GREB1L: variants seen among roughly 807,000 people sequenced by gnomAD.
The protein encoded by GREB1L is GREB1-like protein.
Under a neutral mutation model 200.8 loss-of-function variants are expected in GREB1L, and 17 were observed. The ratio of observed to expected loss-of-function variants is 0.08; its 90% CI spans 0.06 to 0.13. The LOEUF (loss-of-function observed/expected upper bound fraction) is 0.13. Ranked by LOEUF, GREB1L falls within the 10% of genes least tolerant of loss-of-function variation. The pLI is 1.00. For missense variants in GREB1L, 1,657 were observed against 2,367.7 expected (o/e 0.70, Z 6.23); for synonymous variants, 789 against 893.0 (o/e 0.88, Z 2.08).
intron 11 of GREB1L, among the ~76,000 whole-genome samples, chr18:21,449,243 T>G (rs1417972284): frequency 1.3e-5 from 2 of 152,188 alleles, no homozygotes. Flanking sequence ...ATGGTTTCTC[T>G]TGGTACCTCC....
At chr18:21,420,422 T>C (rs1362581900) in intron 7 of GREB1L, among the ~76,000 whole-genome samples, 3 of 151,682 alleles carry the variant, frequency 2.0e-5, no homozygotes, top group Non-Finnish European at 4.4e-5. Flanking sequence ...GAAAAATCTT[T>C]GCAAAGCATA....
intron 12 of GREB1L, chr18:21,450,654 G>A (rs72882834): frequency 0.13 from 22,150 of 165,118 alleles, 2,016 homozygotes; most frequent in East Asian, 0.33. Flanking sequence ...TTTCCCCCAT[G>A]TTCTCAGCCC....
intron 1 of GREB1L, among the ~76,000 whole-genome samples, chr18:21,261,823 AAGAAAAGACTTTTGTTTATTCT>A (rs1371024683): frequency 6.6e-6 from 1 of 152,142 alleles, no homozygotes; most frequent in Non-Finnish European, 1.5e-5. Flanking sequence ...GTTGCCATCA[AAGAAAAGACTTTTGTTTATTCT>A]AAATACCTTT....
chr18:21,283,448 T>G (rs1272789151), intron 1 of GREB1L, among the ~76,000 whole-genome samples: 1 of 152,238 alleles, frequency 6.6e-6, no homozygotes, highest in African/African-American at 2.4e-5. Flanking sequence ...GCCTGAGGTT[T>G]CTAATGCCTG....
At position 21,476,541 on chromosome 18, in the gene GREB1L, T is replaced by C. The variant is rs62089246; in HGVS notation, c.2364-623T>C. Among the ~76,000 whole-genome samples the C allele has an allele frequency of 9.6e-3, 1,463 of 152,092 alleles. 15 individuals are homozygous for C. The highest frequency in any genetic ancestry group is 0.022 in the Admixed American group (338 of 15,252). On this transcript the variant is annotated intron_variant, in intron 16 of 32. Coordinates refer to ENST00000424526, the MANE Select transcript of GREB1L (RefSeq NM_001142966.3). ...TTCTGAGGATACATGTTGGGACTTCTCTGAATTTAATTTTTTGTTGTTGTT... is the reference window on the plus strand; with the variant it reads ...TTCTGAGGATACATGTTGGGACTTCCCTGAATTTAATTTTTTGTTGTTGTT...
At chr18:21,512,555 G>A (rs2037279434) in intron 27 of GREB1L, among the ~76,000 whole-genome samples, 1 of 152,126 alleles carries the variant, frequency 6.6e-6, no homozygotes, top group Non-Finnish European at 1.5e-5. Context: ...CATTCTAAAG[G>A]GGATTTTTGG....
chr18:21,484,268 G>T (rs547372899), intron 17 of GREB1L, among the ~76,000 whole-genome samples: 1 of 150,278 alleles, frequency 6.7e-6, no homozygotes, highest in Non-Finnish European at 1.5e-5. Context: ...CTCCACCTCC[G>T]GGTTCAAGGT....
chr18:21,398,036 C>G (rs1024949040), intron 5 of GREB1L, among the ~76,000 whole-genome samples: 3 of 152,098 alleles, frequency 2.0e-5, no homozygotes, highest in African/African-American at 4.8e-5. Flanking sequence ...CTCTGACTGT[C>G]GACAATGAAA....
chr18:21,454,765 A>T, intron 15 of GREB1L: 1 of 590,592 alleles, frequency 1.7e-6, no homozygotes, highest in Non-Finnish European at 3.0e-6. Flanking sequence ...GGTCAAGGGT[A>T]AATTGTTGTG....
At chr18:21,373,124 C>T (rs887422182) in intron 2 of GREB1L, among the ~76,000 whole-genome samples, 9 of 152,006 alleles carry the variant, frequency 5.9e-5, no homozygotes, top group African/African-American at 2.2e-4. Flanking sequence ...TGCTTCATAT[C>T]GTCTCCACTG....
chr18:21,288,744 T>A (rs1019513662), intron 1 of GREB1L, among the ~76,000 whole-genome samples: 3 of 152,096 alleles, frequency 2.0e-5, no homozygotes, highest in Admixed American at 6.5e-5. Flanking sequence ...CCTTTTTTTT[T>A]TTTTATTTTT....
intron 21 of GREB1L, among the ~76,000 whole-genome samples, chr18:21,498,684 G>T (rs2036652738): frequency 6.6e-6 from 1 of 152,210 alleles, no homozygotes; most frequent in Admixed American, 6.5e-5. Flanking sequence ...TACAGGCCAT[G>T]CTCATGACAC....
At position 21,525,103 on chromosome 18, in the gene GREB1L, C is replaced by T. The variant is rs1345950163; in HGVS notation, c.*2282C>T. On this transcript the variant is annotated 3_prime_UTR_variant, in exon 33 of 33. Transcript: ENST00000424526. ...GATGAATGGATTCGCTAGGCCCACA[C>T]AGTAACTCACCTGTAGACCTGCTGA... 2.0e-5 allele frequency: 3 copies of T among 151,890 alleles called. No homozygotes were observed. Among genetic ancestry groups the T allele is most frequent in the African/African-American group, 7.2e-5 (3 of 41,394 alleles). The allele number at this position is 151,890 out of a possible 1,614,324, so 9.4% of individuals were successfully genotyped here.
intron 2 of GREB1L, among the ~76,000 whole-genome samples, chr18:21,368,253 T>A (rs1381558848): frequency 6.6e-6 from 1 of 152,224 alleles, no homozygotes; most frequent in Non-Finnish European, 1.5e-5. Flanking sequence ...TTCTCAAGGT[T>A]AAAGCACCTT....
Position 21,505,515 on chromosome 18 carries a change from G to C in GREB1L, c.4176G>C (p.Lys1392Asn), listed in dbSNP as rs1275661339. ...MPFDVSVHDPKYSLMSLVYTE... is the reference protein window; with the variant it reads ...MPFDVSVHDPNYSLMSLVYTE... ...TTGATGTCAGTGTGCATGACCCCAA[G>C]TACAGTTTGATGAGCCTGGTGTATA... is the stretch of plus-strand genomic sequence containing the variant. Residue 1392 changes from lysine to asparagine, a missense_variant, in exon 24 of 33, where the codon AAG becomes AAC. Lys to Asn is a moderately conservative substitution (Grantham distance 94). This residue lies in a region of GREB1L where 512 missense variants were observed against 668.3 expected (regional missense o/e 0.77). Coordinates refer to ENST00000424526, the MANE Select transcript of GREB1L (RefSeq NM_001142966.3). 1.3e-6 allele frequency: 2 copies of C among 1,551,810 alleles called. No individual in the cohort carries two copies. The highest frequency in any genetic ancestry group is 1.7e-4 in the Middle Eastern group (1 of 5,994).
chr18:21,251,917 C>G (rs1362621553), intron 1 of GREB1L, among the ~76,000 whole-genome samples: 1 of 147,046 alleles, frequency 6.8e-6, no homozygotes, highest in Admixed American at 6.9e-5. Flanking sequence ...TGCACTCTAG[C>G]CTGGGAGGCA....
chr18:21,399,453 TTGGATGGATGGA>T (rs111906534), intron 5 of GREB1L, among the ~76,000 whole-genome samples: 34 of 146,192 alleles, frequency 2.3e-4, no homozygotes, highest in African/African-American at 7.3e-4. Flanking sequence ...GGATGGATGG[TTGGATGGATGGA>T]TGGATGGATG....
intron 1 of GREB1L, among the ~76,000 whole-genome samples, chr18:21,309,212 A>G (rs2038751865): frequency 6.6e-6 from 1 of 152,226 alleles, no homozygotes; most frequent in South Asian, 2.1e-4. Flanking sequence ...ACATTTTAGG[A>G]AAACCTGCTT....
rs185578147 is a variant in GREB1L at position 21,384,325 on chromosome 18, G to A, written c.277G>A (p.Glu93Lys). Residue 93 changes from glutamate to lysine, a missense_variant, in exon 4 of 33, where the codon GAA (glutamate) becomes AAA (lysine). Transcript: ENST00000424526. ...VNEMEDDEDD[E>K]EMSDSNSPPI... is the part of the protein sequence containing the mutation. ...TGAAATGGAAGATGATGAAGACGAT[G>A]AAGAAATGTCTGATTCAAACAGCCC... is the stretch of plus-strand genomic sequence containing the variant. The A allele has an allele frequency of 4.2e-3, 6,445 of 1,551,744 alleles. 19 individuals are homozygous for A. Among genetic ancestry groups the A allele is most frequent in the Non-Finnish European group, 5.1e-3 (5,801 of 1,146,848 alleles).
Sources: gnomAD v4.1 joint callset for allele counts (sites outside exome capture counted in the v4.1 genomes callset) on GRCh38, gnomAD v4.1.1 for gene constraint, gnomAD v4.1.1 regional missense constraint, MANE v1.5 for transcripts, NCBI Gene and HGNC (gene_info 2026-07-23, HGNC 2026-07-21) for gene names.